ASIC2: variants seen among roughly 807,000 people sequenced by gnomAD.
ASIC2 encodes acid sensing ion channel subunit 2.
In ASIC2, 25 loss-of-function variants were observed where a neutral mutation model predicts 57.3. The ratio of observed to expected loss-of-function variants is 0.44; its 90% confidence interval spans 0.32 to 0.61. The LOEUF (loss-of-function observed/expected upper bound fraction) is 0.61, where lower values mean the gene tolerates loss of function less well. Ranked by LOEUF, ASIC2 falls within the 20% of genes least tolerant of loss-of-function variation. ASIC2 has a pLI of 0.06. For synonymous variants in ASIC2, 319 were observed against 307.5 expected (o/e 1.04, Z -0.39); for missense variants, 641 against 738.1 (o/e 0.87, Z 1.52).
chr17:33,942,326 T>G (rs1916210734), intron 1 of ASIC2, among the ~76,000 whole-genome samples: 1 of 152,066 alleles, frequency 6.6e-6, no homozygotes, highest in Non-Finnish European at 1.5e-5. Context: ...TAGGCCCAAG[T>G]AGGGATGTGC....
At chr17:33,147,100 GT>G (rs1461037706) in intron 1 of ASIC2, among the ~76,000 whole-genome samples, 1 of 152,164 alleles carries the variant, frequency 6.6e-6, no homozygotes, top group African/African-American at 2.4e-5. Context: ...TCAAGTCTGG[GT>G]AAGGCTAGGT....
At chr17:33,372,008 G>A (rs748193311) in intron 1 of ASIC2, among the ~76,000 whole-genome samples, 9 of 152,042 alleles carry the variant, frequency 5.9e-5, no homozygotes, top group Non-Finnish European at 8.8e-5. Context: ...TCACAATACT[G>A]AGTGTGAAGG....
In ASIC2 at chr17:33,291,941, G is replaced by A. The variant is rs533350317; in HGVS notation, c.175C>T (p.Pro59Ser). ...TGCAGTTTAGCGCGGCTCAGCGATG[G>A]CCGCCCCCTGCGGGCGACCCCTGGC... ...QGPGVARRGR[P>S]SLSRAKLHGL... The change falls in exon 1 of 10, where the codon CCA becomes TCA. Residue 59 changes from proline to serine, a missense_variant. By Grantham distance (74) the Pro-to-Ser change is moderately conservative (BLOSUM62 -1). Around this residue, in one of 3 missense-constraint regions of ASIC2, gnomAD observed 382 missense variants for 398.0 expected, o/e 0.96. Coordinates refer to ENST00000225823, the MANE Select transcript of ASIC2 (RefSeq NM_183377.2). 1 of 1,528,138 alleles carries A rather than the reference G, an allele frequency of 6.5e-7. No homozygotes were observed. 94.7% of individuals were successfully genotyped at this position (1,528,138 alleles called of 1,614,324 possible). A position where few individuals can be genotyped will look rare whatever the true frequency, so the allele number is the denominator to read the frequency against.
At chr17:33,185,551 T>C (rs954313931) in intron 1 of ASIC2, among the ~76,000 whole-genome samples, 1 of 151,718 alleles carries the variant, frequency 6.6e-6, no homozygotes, top group Non-Finnish European at 1.5e-5. Context: ...TAGGTTGTGG[T>C]GGAGGGAGGG....
chr17:33,411,888 C>T (rs1200076578), intron 1 of ASIC2, among the ~76,000 whole-genome samples: 2 of 152,164 alleles, frequency 1.3e-5, no homozygotes, highest in East Asian at 1.9e-4. Flanking sequence ...AGTGACATGG[C>T]TTCACCAACT....
At chr17:33,442,032 T>C (rs929558575) in intron 1 of ASIC2, among the ~76,000 whole-genome samples, 1 of 152,222 alleles carries the variant, frequency 6.6e-6, no homozygotes, top group Non-Finnish European at 1.5e-5. Context: ...GAACAACCCA[T>C]ACTTCCCCCC....
At chr17:33,372,703 G>A (rs1008203949) in intron 1 of ASIC2, among the ~76,000 whole-genome samples, 2 of 152,102 alleles carry the variant, frequency 1.3e-5, no homozygotes, top group Admixed American at 6.5e-5. Flanking sequence ...CATTGGAACC[G>A]CTGGCCATTG....
intron 1 of ASIC2, among the ~76,000 whole-genome samples, chr17:33,872,614 A>C (rs1171934772): frequency 6.6e-6 from 1 of 152,154 alleles, no homozygotes; most frequent in Non-Finnish European, 1.5e-5. Context: ...AGATCACCTG[A>C]AACCTGCAAG....
intron 1 of ASIC2, among the ~76,000 whole-genome samples, chr17:34,014,531 T>G (rs1906876761): frequency 6.6e-6 from 1 of 152,192 alleles, no homozygotes; most frequent in African/African-American, 2.4e-5. Flanking sequence ...TTTCTCAGGC[T>G]TTGGGTAGCT....
intron 1 of ASIC2, among the ~76,000 whole-genome samples, chr17:34,088,481 A>G (rs1178136947): frequency 6.6e-6 from 1 of 152,190 alleles, no homozygotes; most frequent in Admixed American, 6.5e-5. Flanking sequence ...TAGGCTGCTC[A>G]GGGGTCAGGG....
At chr17:34,109,762 C>G (rs35399981) in intron 1 of ASIC2, among the ~76,000 whole-genome samples, 4,088 of 152,220 alleles carry the variant, frequency 0.027, 205 homozygotes, top group African/African-American at 0.093. Context: ...ATACTCTACT[C>G]TCATTTTTTA....
At chr17:33,631,727 C>A (rs749413265) in intron 1 of ASIC2, among the ~76,000 whole-genome samples, 5 of 151,904 alleles carry the variant, frequency 3.3e-5, no homozygotes, top group South Asian at 2.1e-4. Context: ...TCTGAGAGTC[C>A]CAAAAGGCAA....
At chr17:33,390,229 C>T (rs898810897) in intron 1 of ASIC2, among the ~76,000 whole-genome samples, 8 of 152,022 alleles carry the variant, frequency 5.3e-5, no homozygotes, top group Admixed American at 3.9e-4. Context: ...AGGAGAATCA[C>T]TTGAACCCAG....
intron 1 of ASIC2, among the ~76,000 whole-genome samples, chr17:33,761,951 C>G (rs1910796810): frequency 6.6e-6 from 1 of 151,764 alleles, no homozygotes; most frequent in Admixed American, 6.6e-5. Flanking sequence ...AGGGATGGAA[C>G]TGAGTGAGGA....
At chr17:33,421,339 A>G (rs934520261) in intron 1 of ASIC2, among the ~76,000 whole-genome samples, 3 of 152,332 alleles carry the variant, frequency 2.0e-5, no homozygotes, top group Admixed American at 1.3e-4. Flanking sequence ...AATATGGGAA[A>G]GAAAAACTGG....
intron 1 of ASIC2, among the ~76,000 whole-genome samples, chr17:33,603,735 T>C (rs540642684): frequency 3.3e-5 from 5 of 152,360 alleles, no homozygotes; most frequent in African/African-American, 1.2e-4. Flanking sequence ...TATTAACTGC[T>C]GTAAAAGATA....
In ASIC2 at chr17:33,530,551, G is replaced by A. The variant is rs186969309; in HGVS notation, c.556-418484C>T. 1.6e-4 allele frequency among the ~76,000 whole-genome samples: 25 copies of A among 152,372 alleles called. No homozygotes were observed. In the East Asian group the frequency reaches 1.7e-3, roughly 11 times the overall value. On this transcript the variant is annotated intron_variant, in intron 1 of 9. Coordinates refer to the ASIC2 transcript ENST00000359872. ...CCACTTAATTGGCATGAACATAGGC[G>A]AGTGTACAGGTCACCTTTGCTCAGG... is the stretch of plus-strand genomic sequence containing the variant.
chr17:33,679,305 T>C (rs968465547), intron 1 of ASIC2, among the ~76,000 whole-genome samples: 1 of 152,194 alleles, frequency 6.6e-6, no homozygotes, highest in African/African-American at 2.4e-5. Flanking sequence ...CAATCACCCC[T>C]GTTGCTTTTT....
At chr17:33,517,785 C>T (rs961490816) in intron 1 of ASIC2, among the ~76,000 whole-genome samples, 4 of 151,820 alleles carry the variant, frequency 2.6e-5, no homozygotes, top group African/African-American at 9.7e-5. Context: ...ACCAACATGG[C>T]ACATGTATAC....
Sources: gnomAD v4.1 joint callset for allele counts (sites outside exome capture counted in the v4.1 genomes callset) on GRCh38, gnomAD v4.1.1 for gene constraint, gnomAD v4.1.1 regional missense constraint, MANE v1.5 for transcripts, NCBI Gene and HGNC (gene_info 2026-07-23, HGNC 2026-07-21) for gene names.